The following DNAH14 variants were observed in gnomAD, a reference collection of about 807,000 sequenced individuals.
DNAH14 encodes the protein dynein axonemal heavy chain 14, also known as axonemal beta dynein heavy chain 14.
A neutral mutation model predicts 520.9 loss-of-function variants in DNAH14; 478 were observed. The ratio of observed to expected loss-of-function variants is 0.92; its 90% CI spans 0.85 to 0.99. The LOEUF is 0.99. Among genes scored for constraint, DNAH14 ranks in the 50% least tolerant of loss-of-function variants. The pLI is 0.00. For missense variants in DNAH14, 4,831 were observed against 5,234.5 expected (o/e 0.92, Z 2.38); for synonymous variants, 1,581 against 1,757.2 (o/e 0.90, Z 2.51).
chr1:224,959,868 A>G (rs1183415407), intron 3 of DNAH14, among the ~76,000 whole-genome samples: 4 of 152,180 alleles, frequency 2.6e-5, no homozygotes, highest in African/African-American at 9.6e-5. Context: ...GTATTAACTA[A>G]TTTAATTCTT....
chr1:225,129,371 G>A (rs561354625), intron 27 of DNAH14, among the ~76,000 whole-genome samples: 11,933 of 151,354 alleles, frequency 0.079, 1,468 homozygotes, highest in African/African-American at 0.27. Context: ...TCAATCCTAA[G>A]CCAAAAGAAC....
intron 8 of DNAH14, among the ~76,000 whole-genome samples, chr1:225,002,068 A>G (rs939625401): frequency 6.6e-6 from 1 of 152,136 alleles, no homozygotes; most frequent in African/African-American, 2.4e-5. Flanking sequence ...TATTTTCTGT[A>G]TATTATGAGC....
In DNAH14 at chr1:225,119,288, T is replaced by TA; in HGVS notation, c.4166dup (p.Phe1390IlefsTer7). 6.6e-7 allele frequency: 1 copy of TA among 1,516,478 alleles called. No individual in the cohort carries two copies. Among genetic ancestry groups the TA allele is most frequent in the South Asian group, 1.3e-5 (1 of 75,268 alleles). 93.9% of individuals were successfully genotyped at this position (1,516,478 alleles called of 1,614,324 possible). A position where few individuals can be genotyped will look rare whatever the true frequency, so the allele number is the denominator to read the frequency against. ...GTAGAAAAAAGCATGTTCGATGTGC[T>TA]AAAAAAGTAAGTACAATTTTCAAAT... On this transcript the variant is annotated frameshift_variant, in exon 26 of 86. Coordinates refer to ENST00000682510, the MANE Select transcript of DNAH14 (RefSeq NM_001367479.1). LOFTEE classifies it high-confidence loss of function.
chr1:225,208,976 C>T (rs1156363848), intron 41 of DNAH14, among the ~76,000 whole-genome samples: 1 of 152,096 alleles, frequency 6.6e-6, no homozygotes, highest in Admixed American at 6.5e-5. Context: ...CTGGAATTCC[C>T]TCTCTGTCCA....
intron 81 of DNAH14, 80 bp downstream of exon 81, chr1:225,381,659 G>A: frequency 9.1e-7 from 1 of 1,100,318 alleles, no homozygotes; most frequent in Non-Finnish European, 1.3e-6. Flanking sequence ...GAAGGTAAAT[G>A]GTGCATCTGT....
chr1:224,967,175 T>G (rs1001893449), intron 5 of DNAH14, among the ~76,000 whole-genome samples: 3 of 152,072 alleles, frequency 2.0e-5, no homozygotes, highest in African/African-American at 7.2e-5. Flanking sequence ...TTATTAAGTA[T>G]ATAGATAATT....
rs1573069790 is a variant in DNAH14 at position 225,100,812 on chromosome 1, C to T, written c.3795C>T (p.Thr1265=). The T allele has an allele frequency of 6.5e-7, 1 of 1,536,842 alleles. No individual in the cohort carries two copies. Among genetic ancestry groups the T allele is most frequent in the Non-Finnish European group, 8.8e-7 (1 of 1,141,976 alleles). Residue 1265 remains threonine, a synonymous_variant, in exon 23 of 86, where the codon ACC becomes ACT. Coordinates refer to ENST00000682510, the MANE Select transcript of DNAH14 (RefSeq NM_001367479.1). ...ACAAACAGAATGCTTTGCAGATAAC[C>T]ACTTCTGCAGGAGTCCTTGAAATTC... The part of the protein sequence containing the change: ...IQNKQNALQI[T]TSAGVLEILQ...
intron 15 of DNAH14, among the ~76,000 whole-genome samples, chr1:225,049,869 G>A (rs1158475256): frequency 6.6e-6 from 1 of 151,886 alleles, no homozygotes; most frequent in African/African-American, 2.4e-5. Context: ...AACTCTTGAG[G>A]CTGTGTCTCC....
intron 45 of DNAH14, 61 bp downstream of exon 45, chr1:225,258,179 G>T: frequency 2.2e-6 from 3 of 1,343,340 alleles, no homozygotes; most frequent in Non-Finnish European, 2.9e-6. Flanking sequence ...ACAGATATTT[G>T]GTCTAACTAT....
At chr1:225,013,156 AT>A (rs35794855) in intron 10 of DNAH14, among the ~76,000 whole-genome samples, 7 of 146,958 alleles carry the variant, frequency 4.8e-5, no homozygotes, top group Admixed American at 1.4e-4. Flanking sequence ...TTGCATGGTC[AT>A]TTTTTTTTTG....
At chr1:225,327,210 T>C (rs949304325) in intron 64 of DNAH14, among the ~76,000 whole-genome samples, 1 of 151,904 alleles carries the variant, frequency 6.6e-6, no homozygotes, top group Non-Finnish European at 1.5e-5. Flanking sequence ...CAGGCTGAAG[T>C]GCAGAGGCGC....
Position 225,219,321 on chromosome 1 carries a change from C to A in DNAH14, c.6440-11752C>A, listed in dbSNP as rs141112742. ...AGACAAGAAATAACTAAGATCAGAG[C>A]AGAACTGAAGGAAATAGAGACAGGA... is the stretch of plus-strand genomic sequence containing the variant. On this transcript the variant is annotated intron_variant, in intron 41 of 85. Coordinates refer to ENST00000682510, the MANE Select transcript of DNAH14 (RefSeq NM_001367479.1). Among the ~76,000 whole-genome samples the A allele has an allele frequency of 3.4e-3, 513 of 150,242 alleles. 3 individuals are homozygous for A. Among genetic ancestry groups the A allele is most frequent in the African/African-American group, 0.012 (471 of 40,800 alleles).
At chr1:225,390,673 T>C (rs768733254) in intron 83 of DNAH14, among the ~76,000 whole-genome samples, 8 of 152,106 alleles carry the variant, frequency 5.3e-5, no homozygotes, top group Admixed American at 2.0e-4. Flanking sequence ...TTAAGTATTA[T>C]CCAGGTGCGG....
chr1:225,196,531 C>A (rs768583277), intron 38 of DNAH14, among the ~76,000 whole-genome samples: 263 of 152,102 alleles, frequency 1.7e-3, no homozygotes, highest in Non-Finnish European at 2.8e-3. Flanking sequence ...GGGTAGATAC[C>A]CAGTAGTGGG....
At chr1:225,171,016 A>G (rs2082580342) in intron 36 of DNAH14, among the ~76,000 whole-genome samples, 1 of 152,246 alleles carries the variant, frequency 6.6e-6, no homozygotes, top group Non-Finnish European at 1.5e-5. Flanking sequence ...CTCCTGAATG[A>G]CTACTGGGTA....
intron 17 of DNAH14, among the ~76,000 whole-genome samples, chr1:225,053,959 T>C (rs572615311): frequency 6.6e-6 from 1 of 152,268 alleles, no homozygotes; most frequent in South Asian, 2.1e-4. Context: ...GAACCTACAA[T>C]AGAAGCCTAA....
At position 225,239,632 on chromosome 1, in the gene DNAH14, C is replaced by T. The variant is rs1453883224; in HGVS notation, c.6519-961C>T. Among the ~76,000 whole-genome samples, 5 of 152,224 alleles carry T rather than the reference C, an allele frequency of 3.3e-5. No individual in the cohort carries two copies. The East Asian group carries it at 9.6e-4, about 29-fold the overall frequency. ...CGCTGCTTCTAATCAGCCATCTTGG[C>T]CCCTTGACAGACTTTTTTCTTTACA... On this transcript the variant is annotated intron_variant, in intron 42 of 85. Transcript: ENST00000682510.
chr1:225,071,853 C>T (rs552925945), intron 17 of DNAH14, among the ~76,000 whole-genome samples: 3 of 152,302 alleles, frequency 2.0e-5, no homozygotes, highest in Non-Finnish European at 4.4e-5. Flanking sequence ...ACCACAAGAA[C>T]AGCAGCATAG....
intron 8 of DNAH14, among the ~76,000 whole-genome samples, chr1:224,994,308 A>G (rs549024945): frequency 5.9e-5 from 9 of 152,010 alleles, no homozygotes; most frequent in Non-Finnish European, 8.8e-5. Context: ...ATTGTAACCT[A>G]TCTCTCCCTT....
Sources: allele counts gnomAD v4.1 joint callset (sites outside exome capture counted in the v4.1 genomes callset), GRCh38; gene constraint gnomAD v4.1.1; transcripts MANE v1.5; gene names NCBI Gene and HGNC (gene_info 2026-07-23, HGNC 2026-07-21).